The following HEXD variants were observed in gnomAD, a reference collection of about 807,000 sequenced individuals.
The protein encoded by HEXD is N-acetyl-beta-galactosaminidase.
In HEXD, 47 loss-of-function variants were observed where a neutral mutation model predicts 54.2. The observed-to-expected ratio is 0.87, with a 90% CI of 0.69 to 1.11. The LOEUF (loss-of-function observed/expected upper bound fraction) is 1.11, where lower values mean the gene tolerates loss of function less well. Ranked by LOEUF, HEXD falls within the 50% of genes least tolerant of loss-of-function variation. The pLI, the probability that HEXD is intolerant of heterozygous loss-of-function variation, is 0.00. For missense variants in HEXD, 576 were observed against 649.2 expected (o/e 0.89, Z 1.23); for synonymous variants, 293 against 287.6 (o/e 1.02, Z -0.19).
rs1416792782 is a variant in HEXD, at chr17:82,433,111, TATATATATATATATA to T, written c.283-546_283-532del. Among the ~76,000 whole-genome samples the T allele has an allele frequency of 6.0e-4, 8 of 13,310 alleles. 2 individuals are homozygous for T. In the African/African-American group the frequency reaches 6.6e-3, roughly 11 times the overall value. 8.7% of individuals were successfully genotyped at this position (13,310 alleles called of 152,430 possible). A position where few individuals can be genotyped will look rare whatever the true frequency, so the allele number is the denominator to read the frequency against. On this transcript the variant is annotated intron_variant, in intron 4 of 12. Transcript: ENST00000327949. ...AAAAAAATATATATATATATATATA[TATATATATATATATA>T]TATTTTTTTTTTTTTTTTATATATA... is the stretch of plus-strand genomic sequence containing the variant.
chr17:82,430,947 T>C (rs1455012420), intron 4 of HEXD, among the ~76,000 whole-genome samples: 1 of 152,212 alleles, frequency 6.6e-6, no homozygotes, highest in Non-Finnish European at 1.5e-5. Context: ...CATTTAGATC[T>C]ATGATCCATT....
At chr17:82,421,310 GC>G (rs1228250278) in intron 2 of HEXD, among the ~76,000 whole-genome samples, 2 of 152,054 alleles carry the variant, frequency 1.3e-5, no homozygotes, top group Non-Finnish European at 2.9e-5. Flanking sequence ...GAGGAACAGC[GC>G]CCCCCACTAA....
At chr17:82,424,330 G>A in intron 2 of HEXD, 64 bp from the exon 3 acceptor site, 2 of 1,038,058 alleles carry the variant, frequency 1.9e-6, no homozygotes, top group South Asian at 1.3e-5. Context: ...TCTCCCTGCT[G>A]TGGACTTGCC....
intron 4 of HEXD, among the ~76,000 whole-genome samples, chr17:82,432,760 A>G (rs2053608303): frequency 6.6e-6 from 1 of 151,394 alleles, no homozygotes. Flanking sequence ...TCTTAAACCG[A>G]TTTGGTTTTT....
intron 5 of HEXD, among the ~76,000 whole-genome samples, chr17:82,435,444 G>T (rs1227124525): frequency 6.6e-6 from 1 of 152,198 alleles, no homozygotes; most frequent in East Asian, 1.9e-4. Flanking sequence ...GACCCCTGTG[G>T]TCTCTGCTTT....
At chr17:82,429,131 G>A (rs1027332890) in intron 4 of HEXD, among the ~76,000 whole-genome samples, 3 of 152,032 alleles carry the variant, frequency 2.0e-5, no homozygotes, top group African/African-American at 7.2e-5. Context: ...ATGGTGGCGG[G>A]CACCTGTAGT....
intron 3 of HEXD, 137 bp from the exon 4 acceptor site, chr17:82,428,421 G>C: frequency 1.5e-6 from 1 of 647,568 alleles, no homozygotes; most frequent in Non-Finnish European, 2.7e-6. Context: ...CAGGATACCT[G>C]TCAAGCTTTG....
At chr17:82,428,708 C>T in intron 4 of HEXD, 63 bp downstream of exon 4, 1 of 1,436,944 alleles carries the variant, frequency 7.0e-7, no homozygotes, top group Non-Finnish European at 9.8e-7. Flanking sequence ...GCAGGCTGGG[C>T]CAGGCTTGTG....
intron 8 of HEXD, among the ~76,000 whole-genome samples, chr17:82,438,679 G>A (rs555230026): frequency 1.3e-5 from 2 of 152,344 alleles, no homozygotes; most frequent in Admixed American, 6.5e-5. Context: ...GACCCACCAG[G>A]GGCCCCGTGC....
intron 11 of HEXD, among the ~76,000 whole-genome samples, chr17:82,441,516 C>T (rs1231614584): frequency 3.3e-5 from 3 of 90,454 alleles, no homozygotes; most frequent in South Asian, 4.1e-4. Flanking sequence ...GGGGCAGGTG[C>T]GGCTGAGGGG....
At chr17:82,428,463 G>A in intron 3 of HEXD, 95 bp from the exon 4 acceptor site, 1 of 983,964 alleles carries the variant, frequency 1.0e-6, no homozygotes, top group Non-Finnish European at 1.6e-6. Context: ...TTCCCGGAGA[G>A]CCCCCCAGGG....
At chr17:82,428,525 A>G (rs779135500) in intron 3 of HEXD, 33 bp from the exon 4 acceptor site, 77 of 1,585,388 alleles carry the variant, frequency 4.9e-5, no homozygotes, top group Non-Finnish European at 6.6e-5. Context: ...TGCTGCTCAC[A>G]TGACCCTCTC....
chr17:82,419,384 T>C (rs1186507392), intron 1 of HEXD, among the ~76,000 whole-genome samples: 3 of 152,234 alleles, frequency 2.0e-5, no homozygotes, highest in African/African-American at 7.2e-5. Flanking sequence ...AAGCATCATA[T>C]TGTGCGGCCT....
Position 82,418,367 on chromosome 17 carries a change from C to T in HEXD, c.-425C>T. 7.3e-7 allele frequency: 1 copy of T among 1,366,520 alleles called. No individual in the cohort carries two copies. Among genetic ancestry groups the T allele is most frequent in the Non-Finnish European group, 9.8e-7 (1 of 1,022,998 alleles). 84.6% of individuals were successfully genotyped at this position (1,366,520 alleles called of 1,614,324 possible). A position where few individuals can be genotyped will look rare whatever the true frequency, so the allele number is the denominator to read the frequency against. Reference sequence around the variant, plus strand: ...GCCCCAGTCCCGCCCACTCCATGGCCCTGTCCGCCGCCGCAGCGCGCGCCC... The same window carrying T: ...GCCCCAGTCCCGCCCACTCCATGGCTCTGTCCGCCGCCGCAGCGCGCGCCC... On this transcript the variant is annotated 5_prime_UTR_variant, in exon 1 of 13. Coordinates refer to ENST00000327949, the MANE Select transcript of HEXD (RefSeq NM_001330542.2).
chr17:82,420,053 C>A (rs543038367), intron 2 of HEXD, 170 bp downstream of exon 2: 10 of 364,608 alleles, frequency 2.7e-5, no homozygotes, highest in East Asian at 1.2e-4. Context: ...TAGCCTCTCA[C>A]AAAAACAGAA....
intron 3 of HEXD, chr17:82,427,317 TAA>T (rs1423905980): frequency 6.6e-6 from 1 of 151,724 alleles, no homozygotes; most frequent in Non-Finnish European, 1.5e-5. Flanking sequence ...TAATAATAAA[TAA>T]AATAAATGAA....
intron 8 of HEXD, among the ~76,000 whole-genome samples, chr17:82,438,732 A>G (rs1386533510): frequency 6.6e-6 from 1 of 152,196 alleles, no homozygotes. Context: ...CAAGAATTTC[A>G]TGGTGGGGAC....
chr17:82,424,414 G>T lies in HEXD; in HGVS notation c.105G>T (p.Ala35=). 1 of 1,613,960 alleles carries T rather than the reference G, an allele frequency of 6.2e-7. No individual in the cohort carries two copies. Among genetic ancestry groups the T allele is most frequent in the South Asian group, 1.1e-5 (1 of 91,072 alleles). ...YLSEIFPLFR[A]LGANGLLIEY... ...CCCAGATTTTTCCTCTGTTCCGTGC[G>T]CTAGGTGCAAACGGCCTCCTCATTG... The change falls in exon 3 of 13, where the codon GCG becomes GCT. Residue 35 remains alanine (A), a synonymous_variant. Coordinates refer to ENST00000327949, the MANE Select transcript of HEXD (RefSeq NM_001330542.2).
In HEXD at chr17:82,428,490, TG is replaced by T. The variant is rs1005426125; in HGVS notation, c.195-61del. On this transcript the variant is annotated intron_variant, in intron 3 of 12. Transcript: ENST00000327949. Reference sequence around the variant, plus strand: ...CCCCCAGGGCCTGATGAGGAAGGGCTGGGGGGGTGGGTGTGGAAGTCACGTG... The same window carrying T: ...CCCCCAGGGCCTGATGAGGAAGGGCTGGGGGGTGGGTGTGGAAGTCACGTG... 132 of 1,373,966 alleles carry T rather than the reference TG, an allele frequency of 9.6e-5. No homozygotes were observed. In the Admixed American group the frequency reaches 1.0e-3, roughly 11 times the overall value. The allele number at this position is 1,373,966 out of a possible 1,614,324, so 85.1% of individuals were successfully genotyped here.
Sources: gnomAD v4.1 joint callset for allele counts (sites outside exome capture counted in the v4.1 genomes callset) on GRCh38, gnomAD v4.1.1 for gene constraint, MANE v1.5 for transcripts, NCBI Gene and HGNC (gene_info 2026-07-23, HGNC 2026-07-21) for gene names.